GUCA1C: variants seen among roughly 807,000 people sequenced by gnomAD.
GUCA1C encodes guanylyl cyclase-activating protein 3.
A neutral mutation model predicts 16.2 loss-of-function variants in GUCA1C; 15 were observed. That is an observed-to-expected ratio of 0.93 (90% CI 0.62 to 1.43). The LOEUF (loss-of-function observed/expected upper bound fraction) is 1.43. Ranked by LOEUF, GUCA1C falls within the 40% of genes most tolerant of loss-of-function variation. The pLI, the probability that GUCA1C is intolerant of heterozygous loss-of-function variation, is 0.00. For synonymous variants in GUCA1C, 78 were observed against 85.4 expected (o/e 0.91, Z 0.48); for missense variants, 275 against 244.8 (o/e 1.12, Z -0.82).
intron 1 of GUCA1C, 109 bp downstream of exon 1, chr3:108,953,450 A>G: frequency 1.4e-6 from 1 of 700,530 alleles, no homozygotes; most frequent in Non-Finnish European, 2.5e-6. Flanking sequence ...CTCTCCATTC[A>G]GTGGGATGTA....
chr3:108,929,638 A>C (rs1946649756), intron 1 of GUCA1C, among the ~76,000 whole-genome samples: 1 of 152,190 alleles, frequency 6.6e-6, no homozygotes. Context: ...TTTAGAGAAA[A>C]TGTTTACTTC....
intron 2 of GUCA1C, among the ~76,000 whole-genome samples, chr3:108,918,519 A>C (rs755990642): frequency 1.3e-5 from 2 of 152,192 alleles, no homozygotes; most frequent in Non-Finnish European, 2.9e-5. Context: ...GCAGGATACA[A>C]CCACATCTCA....
chr3:108,945,677 C>A (rs1946837373), intron 1 of GUCA1C, among the ~76,000 whole-genome samples: 1 of 152,098 alleles, frequency 6.6e-6, no homozygotes, highest in African/African-American at 2.4e-5. Context: ...TGTTTTTAAG[C>A]ATGTACGTAG....
At chr3:108,910,406 G>C (rs1559838441) in intron 3 of GUCA1C, among the ~76,000 whole-genome samples, 2 of 151,834 alleles carry the variant, frequency 1.3e-5, no homozygotes, top group Non-Finnish European at 2.9e-5. Context: ...GCTGAGGCAG[G>C]AGATTCGCGT....
At chr3:108,948,448 T>C (rs1946865048) in intron 1 of GUCA1C, among the ~76,000 whole-genome samples, 1 of 152,218 alleles carries the variant, frequency 6.6e-6, no homozygotes, top group Non-Finnish European at 1.5e-5. Flanking sequence ...CTTTTCTTTA[T>C]AAATTACCCA....
rs57364462 is a variant in GUCA1C at position 108,913,230 on chromosome 3, AAT to A, written c.442+2895_442+2896del. On this transcript the variant is annotated intron_variant, in intron 3 of 3. Coordinates refer to ENST00000261047, the MANE Select transcript of GUCA1C (RefSeq NM_005459.4). Reference sequence around the variant, plus strand: ...TGCTTGCTTTTTATTTTGAGAAATAAATATATATATATATATATGTCAGTGTA... The same window carrying A: ...TGCTTGCTTTTTATTTTGAGAAATAAATATATATATATATATGTCAGTGTA... 4.9e-4 allele frequency among the ~76,000 whole-genome samples: 72 copies of A among 147,872 alleles called. 2 individuals are homozygous for A. The highest frequency in any genetic ancestry group is 3.4e-3 in the South Asian group (16 of 4,690).
chr3:108,909,117 C>T (rs1946422148), intron 3 of GUCA1C, among the ~76,000 whole-genome samples: 3 of 152,138 alleles, frequency 2.0e-5, no homozygotes, highest in Non-Finnish European at 4.4e-5. Context: ...ATGGAGAAGA[C>T]AAATATCTAA....
At chr3:108,913,503 C>A (rs1946477381) in intron 3 of GUCA1C, among the ~76,000 whole-genome samples, 1 of 152,030 alleles carries the variant, frequency 6.6e-6, no homozygotes, top group South Asian at 2.1e-4. Context: ...CAAATATCAA[C>A]CTTTTATGTC....
chr3:108,941,460 G>A lies in GUCA1C; in HGVS notation c.204+12099C>T, dbSNP rs1314451432. Among the ~76,000 whole-genome samples, 3 of 152,282 alleles carry A rather than the reference G, an allele frequency of 2.0e-5. No homozygotes were observed. In the East Asian group the frequency reaches 5.8e-4, roughly 29 times the overall value. On this transcript the variant is annotated intron_variant, in intron 1 of 3. Transcript: ENST00000261047. ...AAACCATTTTACCTCCCTCTGTAAA[G>A]ATCTTTGGAGTCCCAAAAGAGGCAA...
chr3:108,939,835 G>A (rs1314971216), intron 1 of GUCA1C, among the ~76,000 whole-genome samples: 1 of 152,104 alleles, frequency 6.6e-6, no homozygotes, highest in Non-Finnish European at 1.5e-5. Context: ...TCATCAGGCA[G>A]CTTAAAAAAC....
chr3:108,952,284 A>T (rs1946902580), intron 1 of GUCA1C, among the ~76,000 whole-genome samples: 1 of 152,216 alleles, frequency 6.6e-6, no homozygotes, highest in Admixed American at 6.5e-5. Context: ...AGTATCTGGA[A>T]CACACTTCCA....
intron 1 of GUCA1C, among the ~76,000 whole-genome samples, chr3:108,932,159 C>T (rs948109762): frequency 4.6e-5 from 7 of 151,658 alleles, no homozygotes; most frequent in African/African-American, 1.7e-4. Flanking sequence ...CGGGAACACT[C>T]TTAAGCTCAC....
chr3:108,915,795 C>A, intron 3 of GUCA1C: 1 of 348,630 alleles, frequency 2.9e-6, no homozygotes, highest in East Asian at 4.3e-5. Context: ...GTTTTCCTCT[C>A]CAGTGGAGAG....
intron 1 of GUCA1C, among the ~76,000 whole-genome samples, chr3:108,952,777 T>A (rs182413527): frequency 1.3e-5 from 2 of 152,254 alleles, no homozygotes; most frequent in East Asian, 3.9e-4. Flanking sequence ...TTTTGAAATA[T>A]ACAAATCTAC....
At chr3:108,918,285 T>G (rs1346574138) in intron 2 of GUCA1C, among the ~76,000 whole-genome samples, 1 of 152,218 alleles carries the variant, frequency 6.6e-6, no homozygotes, top group Non-Finnish European at 1.5e-5. Context: ...TTGAGTTTTC[T>G]TCACCTCTTC....
At position 108,934,808 on chromosome 3, in the gene GUCA1C, C is replaced by CTTTTTTTTTTTT. The variant is rs71629371; in HGVS notation, c.205-14235_205-14224dup. Reference sequence around the variant, plus strand: ...ACATATTCTCACTTATGTTCTTGATCTTTTTTTTTTTTTTTTTTTTTTTGA... The same window carrying CTTTTTTTTTTTT: ...ACATATTCTCACTTATGTTCTTGATCTTTTTTTTTTTTTTTTTTTTTTTTTTTTTTTTTTTGA... On this transcript the variant is annotated intron_variant, in intron 1 of 3. Transcript: ENST00000261047. Among the ~76,000 whole-genome samples the CTTTTTTTTTTTT allele has an allele frequency of 7.0e-4, 60 of 86,108 alleles. 7 individuals are homozygous for CTTTTTTTTTTTT. Among genetic ancestry groups the CTTTTTTTTTTTT allele is most frequent in the African/African-American group, 1.6e-3 (33 of 20,846 alleles). 56.5% of individuals were successfully genotyped at this position (86,108 alleles called of 152,430 possible). A position where few individuals can be genotyped will look rare whatever the true frequency, so the allele number is the denominator to read the frequency against.
At position 108,920,496 on chromosome 3, in the gene GUCA1C, C is replaced by A; in HGVS notation, c.294G>T (p.Lys98Asn). The change falls in exon 2 of 4, where the codon AAG (lysine) becomes AAT (asparagine). Residue 98 changes from lysine (K) to asparagine (N), a missense_variant. Coordinates refer to ENST00000261047, the MANE Select transcript of GUCA1C (RefSeq NM_005459.4). ...AACCATTTCCATCAGCATCATACAG[C>A]TTAAAATACCATTTTAATTTTTGCT... ...KMEQKLKWYFKLYDADGNGSI... is the reference protein window; with the variant it reads ...KMEQKLKWYFNLYDADGNGSI... 6.3e-7 allele frequency: 1 copy of A among 1,598,450 alleles called. No individual in the cohort carries two copies. Among genetic ancestry groups the A allele is most frequent in the Non-Finnish European group, 8.6e-7 (1 of 1,166,072 alleles).
chr3:108,928,081 C>T (rs1217753405), intron 1 of GUCA1C, among the ~76,000 whole-genome samples: 1 of 152,214 alleles, frequency 6.6e-6, no homozygotes, highest in African/African-American at 2.4e-5. Flanking sequence ...GCTTTGCAGT[C>T]GTGGATACCA....
chr3:108,952,544 T>G (rs1274228492), intron 1 of GUCA1C, among the ~76,000 whole-genome samples: 2 of 152,174 alleles, frequency 1.3e-5, no homozygotes, highest in Non-Finnish European at 2.9e-5. Flanking sequence ...AGGTTTAATC[T>G]TCCCAAGTTC....
Sources: gnomAD v4.1 joint callset for allele counts (sites outside exome capture counted in the v4.1 genomes callset) on GRCh38, gnomAD v4.1.1 for gene constraint, MANE v1.5 for transcripts, NCBI Gene and HGNC (gene_info 2026-07-23, HGNC 2026-07-21) for gene names.